Variants in PHYHIP observed in about 807,000 individuals in gnomAD.
PHYHIP encodes the protein phytanoyl-CoA 2-hydroxylase interacting protein.
A neutral mutation model predicts 26.1 loss-of-function variants in PHYHIP; 7 were observed. That is an observed-to-expected ratio of 0.27 (90% CI 0.15 to 0.50). The LOEUF (loss-of-function observed/expected upper bound fraction) is 0.50, where lower values mean the gene tolerates loss of function less well. Among genes scored for constraint, PHYHIP ranks in the 20% least tolerant of loss-of-function variants. The probability of loss-of-function intolerance (pLI) is 0.98; values close to 1 mark genes in which losing one functional copy is unlikely to be tolerated. For missense variants in PHYHIP, 232 were observed against 454.7 expected (o/e 0.51, Z 4.45); for synonymous variants, 206 against 183.4 (o/e 1.12, Z -1.00).
At chr8:22,224,165 G>A (rs1168756126) in intron 4 of PHYHIP, 61 bp downstream of exon 4, 2 of 985,438 alleles carry the variant, frequency 2.0e-6, no homozygotes, top group Non-Finnish European at 3.2e-6. Flanking sequence ...CAGGACAGGA[G>A]CAGGAAGGGC....
chr8:22,227,089 TCACCCCA>T, intron 2 of PHYHIP, 64 bp from the exon 3 acceptor site: 3 of 1,435,960 alleles, frequency 2.1e-6, no homozygotes, highest in South Asian at 1.3e-5. Flanking sequence ...AATCTGGGCA[TCACCCCA>T]GAATCCCCAC....
chr8:22,228,018 C>T (rs1403937997), intron 2 of PHYHIP, among the ~76,000 whole-genome samples, 175 bp downstream of exon 2: 1 of 152,244 alleles, frequency 6.6e-6, no homozygotes, highest in East Asian at 1.9e-4. Context: ...CCCTCTTTAC[C>T]AGGGAAGGAG....
chr8:22,225,431 C>T (rs918872495), intron 3 of PHYHIP, among the ~76,000 whole-genome samples: 8 of 151,816 alleles, frequency 5.3e-5, no homozygotes, highest in African/African-American at 2.4e-5. Flanking sequence ...GTTGCTGAGG[C>T]TGCAGTGAGC....
chr8:22,227,737 G>A, intron 2 of PHYHIP: 1 of 457,272 alleles, frequency 2.2e-6, no homozygotes, highest in South Asian at 1.5e-5. Flanking sequence ...TGAGGCCACA[G>A]CAAAAGGGCT....
chr8:22,230,684 C>G (rs1374104065), intron 1 of PHYHIP, among the ~76,000 whole-genome samples: 2 of 152,130 alleles, frequency 1.3e-5, no homozygotes, highest in South Asian at 4.1e-4. Flanking sequence ...TGCCCACCCA[C>G]CCGCGTCCCA....
At chr8:22,231,646 A>G (rs1474786867) in intron 1 of PHYHIP, 150 bp downstream of exon 1, 1 of 108,418 alleles carries the variant, frequency 9.2e-6, no homozygotes, top group Non-Finnish European at 1.9e-5. Flanking sequence ...CCACTTTGCC[A>G]AAGGCCTGGC....
In PHYHIP at chr8:22,224,249, G is replaced by T; in HGVS notation, c.435C>A (p.His145Gln). 1 of 1,609,646 alleles carries T rather than the reference G, an allele frequency of 6.2e-7. No individual in the cohort carries two copies. Among genetic ancestry groups the T allele is most frequent in the Non-Finnish European group, 8.5e-7 (1 of 1,176,308 alleles). Residue 145 changes from histidine to glutamine, a missense_variant, in exon 4 of 5, where the codon CAC (histidine) becomes CAA (glutamine). Physicochemically the swap from His to Gln is conservative, Grantham distance 24 (BLOSUM62 0). Transcript: ENST00000454243. The part of the protein sequence containing the change: ...LRFSVFYRNH[H>Q]KEYFQHARTH... ...ACCTGGCATGCTGGAAGTACTCCTT[G>T]TGATGGTTGCGGTAGAAGACGGAGA...
In PHYHIP at chr8:22,227,651, C is replaced by T. The variant is rs1012532632; in HGVS notation, c.165+542G>A. 1.8e-4 allele frequency: 84 copies of T among 456,246 alleles called. 1 individual carries two copies. Among genetic ancestry groups the T allele is most frequent in the Middle Eastern group, 1.6e-3 (5 of 3,098 alleles). 28.3% of individuals were successfully genotyped at this position (456,246 alleles called of 1,614,324 possible). A position where few individuals can be genotyped will look rare whatever the true frequency, so the allele number is the denominator to read the frequency against. Reference sequence around the variant, plus strand: ...TTAACCCCAGGAAAGGACACACCCACGGAGGACTCTCTCCCATTCCTTTTC... The same window carrying T: ...TTAACCCCAGGAAAGGACACACCCATGGAGGACTCTCTCCCATTCCTTTTC... On this transcript the variant is annotated intron_variant, in intron 2 of 4. Coordinates refer to ENST00000454243, the MANE Select transcript of PHYHIP (RefSeq NM_014759.5).
intron 2 of PHYHIP, 72 bp from the exon 3 acceptor site, chr8:22,227,097 G>T (rs1312427303): frequency 2.2e-6 from 3 of 1,347,880 alleles, no homozygotes; most frequent in Non-Finnish European, 2.0e-6. Flanking sequence ...CATCACCCCA[G>T]AATCCCCACT....
rs770458458 is a variant in PHYHIP at position 22,228,364 on chromosome 8, G to T, written c.-7C>A. ...GCGTGGACAGCAGCTCCATGCTCCC[G>T]TCAGGGTTGTCTCCTGTGGGGACTG... On this transcript the variant is annotated 5_prime_UTR_variant, in exon 2 of 5. Coordinates refer to ENST00000454243, the MANE Select transcript of PHYHIP (RefSeq NM_014759.5). 11 of 1,578,678 alleles carry T rather than the reference G, an allele frequency of 7.0e-6. No homozygotes were observed. Among genetic ancestry groups the T allele is most frequent in the Non-Finnish European group, 9.5e-6 (11 of 1,161,692 alleles).
chr8:22,221,279 A>T lies in PHYHIP; in HGVS notation c.*74T>A. ...GCAGGGGGGCAGGAGAGAGAAAGCC[A>T]GCTCCCTGAACCTGGGCTACCCACC... On this transcript the variant is annotated 3_prime_UTR_variant, in exon 5 of 5. Coordinates refer to ENST00000454243, the MANE Select transcript of PHYHIP (RefSeq NM_014759.5). This position sits in a 1 kb window ranked among gnomAD's most constrained non-coding sequence, Gnocchi z 7.9. 1 of 1,382,480 alleles carries T rather than the reference A, an allele frequency of 7.2e-7. No homozygotes were observed. The highest frequency in any genetic ancestry group is 9.7e-7 in the Non-Finnish European group (1 of 1,028,090). The allele number at this position is 1,382,480 out of a possible 1,614,324, so 85.6% of individuals were successfully genotyped here.
intron 3 of PHYHIP, among the ~76,000 whole-genome samples, chr8:22,225,426 T>G (rs972956090): frequency 1.3e-5 from 2 of 151,784 alleles, no homozygotes; most frequent in African/African-American, 4.8e-5. Flanking sequence ...AGGAGGTTGC[T>G]GAGGCTGCAG....
intron 4 of PHYHIP, chr8:22,223,827 T>TA: frequency 2.4e-5 from 4 of 163,870 alleles, no homozygotes; most frequent in Non-Finnish European, 2.6e-5. Flanking sequence ...ACGAGCTGGG[T>TA]GCTTCCTCGA....
rs1586489043 is a variant in PHYHIP at position 22,224,137 on chromosome 8, G to C, written c.458+89C>G. ...GGAGGGACTGGCAGCCACGAGGGTG[G>C]GGGTGACCTCAGACAGCCAGGACAG... On this transcript the variant is annotated intron_variant, in intron 4 of 4. Coordinates refer to ENST00000454243, the MANE Select transcript of PHYHIP (RefSeq NM_014759.5). 1.3e-5 allele frequency: 10 copies of C among 792,454 alleles called. No individual in the cohort carries two copies. In the Middle Eastern group the frequency reaches 7.2e-4, roughly 57 times the overall value. 49.1% of individuals were successfully genotyped at this position (792,454 alleles called of 1,614,324 possible). A position where few individuals can be genotyped will look rare whatever the true frequency, so the allele number is the denominator to read the frequency against.
At chr8:22,227,404 G>A (rs996414846) in intron 2 of PHYHIP, among the ~76,000 whole-genome samples, 2 of 152,208 alleles carry the variant, frequency 1.3e-5, no homozygotes, top group Non-Finnish European at 2.9e-5. Context: ...CTTATTCTTT[G>A]GGGGGGAGGG....
chr8:22,222,137 C>A (rs1014722196), intron 4 of PHYHIP, among the ~76,000 whole-genome samples: 1 of 152,078 alleles, frequency 6.6e-6, no homozygotes, highest in East Asian at 1.9e-4. Context: ...CAGCTTGAAA[C>A]CCTTTGATGG....
Position 22,221,815 on chromosome 8 carries a change from A to G in PHYHIP, c.531T>C (p.Gly177=). Residue 177 remains glycine (G), a synonymous_variant, in exon 5 of 5, where the codon GGT becomes GGC. Transcript: ENST00000454243. This position sits in a 1 kb window ranked among gnomAD's most constrained non-coding sequence, Gnocchi z 7.9. ...NSGSHGSPTS[G]MLHGVFFSCN... ...AGCTGAAGAAGACCCCGTGGAGCAT[A>G]CCGCTGGTGGGGGAGCCGTGGCTGC... 1 of 1,599,758 alleles carries G rather than the reference A, an allele frequency of 6.3e-7. No homozygotes were observed. The highest frequency in any genetic ancestry group is 8.5e-7 in the Non-Finnish European group (1 of 1,173,250).
At chr8:22,227,117 G>T in intron 2 of PHYHIP, 92 bp from the exon 3 acceptor site, 1 of 1,157,592 alleles carries the variant, frequency 8.6e-7, no homozygotes, top group Non-Finnish European at 1.2e-6. Context: ...TCCCCAGATG[G>T]CCCTGTTTCT....
chr8:22,231,096 C>T (rs1354483481), intron 1 of PHYHIP, among the ~76,000 whole-genome samples: 1 of 152,206 alleles, frequency 6.6e-6, no homozygotes, highest in South Asian at 2.1e-4. Flanking sequence ...CAGCCCTGAG[C>T]CTTCATGCCA....
Sources: gnomAD v4.1 joint callset for allele counts (sites outside exome capture counted in the v4.1 genomes callset) on GRCh38, gnomAD v4.1.1 for gene constraint, Gnocchi (gnomAD v3.1) non-coding constraint, MANE v1.5 for transcripts, NCBI Gene and HGNC (gene_info 2026-07-23, HGNC 2026-07-21) for gene names.